The following AUTS2 variants were observed in gnomAD, a reference collection of about 807,000 sequenced individuals.
AUTS2 encodes the protein activator of transcription and developmental regulator AUTS2.
A neutral mutation model predicts 112.4 loss-of-function variants in AUTS2; 17 were observed. That is an observed-to-expected ratio of 0.15 (90% CI 0.10 to 0.23). The LOEUF (loss-of-function observed/expected upper bound fraction) is 0.23. Among genes scored for constraint, AUTS2 ranks in the 10% least tolerant of loss-of-function variants. The pLI is 1.00. For synonymous variants in AUTS2, 751 were observed against 702.7 expected, an observed-to-expected ratio of 1.07 and a Z score of -1.09; for missense variants, 1,510 against 1,701.6, an observed-to-expected ratio of 0.89 and a Z score of 1.98.
intron 4 of AUTS2, among the ~76,000 whole-genome samples, chr7:70,403,282 C>T (rs1052121723): frequency 1.3e-5 from 2 of 152,218 alleles, no homozygotes; most frequent in Admixed American, 6.5e-5. Context: ...AACTTCTTGC[C>T]ATCCCTACCC....
intron 5 of AUTS2, among the ~76,000 whole-genome samples, chr7:70,465,831 G>A (rs189567213): frequency 3.6e-4 from 55 of 152,306 alleles, no homozygotes; most frequent in Admixed American, 2.9e-3. Flanking sequence ...AGCTGTCTGT[G>A]TACCCCCATG....
chr7:69,655,800 T>C (rs573168311), intron 1 of AUTS2, among the ~76,000 whole-genome samples: 8 of 152,050 alleles, frequency 5.3e-5, no homozygotes, highest in Admixed American at 1.3e-4. Context: ...TGGGGACCTG[T>C]TTAGGAGAAG....
intron 2 of AUTS2, among the ~76,000 whole-genome samples, chr7:70,065,756 A>C (rs762325173): frequency 2.0e-5 from 3 of 152,126 alleles, no homozygotes; most frequent in Admixed American, 1.3e-4. Context: ...CCCAGTCTAG[A>C]ATGCAGTGGC....
chr7:70,777,149 T>C lies in AUTS2; in HGVS notation c.1979T>C (p.Ile660Thr), dbSNP rs1160707717. ...ATGCATGTTCACATCGCCTGGCAGA[T>C]TTACCACCACCAACAGAAAGTCAAG... ...CAMHVHIAWQ[I>T]YHHQQKVKKQ... Residue 660 changes from isoleucine (I) to threonine (T), a missense_variant, in exon 14 of 19, where the codon ATT (isoleucine) becomes ACT (threonine). Transcript: ENST00000342771. 1 of 1,614,132 alleles carries C rather than the reference T, an allele frequency of 6.2e-7. No individual in the cohort carries two copies. The highest frequency in any genetic ancestry group is 8.5e-7 in the Non-Finnish European group (1 of 1,180,018).
intron 4 of AUTS2, among the ~76,000 whole-genome samples, chr7:70,196,392 G>GA (rs1810174940): frequency 6.6e-6 from 1 of 152,152 alleles, no homozygotes; most frequent in South Asian, 2.1e-4. Flanking sequence ...AAGCTATACC[G>GA]AATAAAATAG....
chr7:70,705,479 G>A (rs1023290353), intron 6 of AUTS2, among the ~76,000 whole-genome samples: 6 of 152,084 alleles, frequency 3.9e-5, no homozygotes, highest in African/African-American at 9.7e-5. Context: ...TATTTAGCCC[G>A]GAGCTAACAT....
At chr7:70,075,354 C>G (rs1372102840) in intron 2 of AUTS2, among the ~76,000 whole-genome samples, 1 of 152,034 alleles carries the variant, frequency 6.6e-6, no homozygotes, top group Non-Finnish European at 1.5e-5. Context: ...GCAGAGTTGG[C>G]CTCTGTACCC....
intron 1 of AUTS2, among the ~76,000 whole-genome samples, chr7:69,678,356 T>G (rs1796653733): frequency 1.3e-5 from 2 of 152,186 alleles, no homozygotes; most frequent in South Asian, 4.1e-4. Flanking sequence ...TACAGCCTCT[T>G]GAATTGACTT....
intron 2 of AUTS2, among the ~76,000 whole-genome samples, chr7:70,071,389 T>C (rs771891323): frequency 6.6e-6 from 1 of 152,196 alleles, no homozygotes; most frequent in African/African-American, 2.4e-5. Flanking sequence ...TCCCCTTGAA[T>C]GTACCTTTTT....
At chr7:70,650,170 A>G (rs1042976521) in intron 5 of AUTS2, among the ~76,000 whole-genome samples, 4 of 152,088 alleles carry the variant, frequency 2.6e-5, no homozygotes, top group African/African-American at 9.7e-5. Context: ...TTCCTCACGT[A>G]CCTCTTTTTA....
chr7:70,391,637 A>G (rs1228771709), intron 4 of AUTS2, among the ~76,000 whole-genome samples: 1 of 152,200 alleles, frequency 6.6e-6, no homozygotes, highest in Non-Finnish European at 1.5e-5. Context: ...AGTCGGGGAA[A>G]CATTTGCCTG....
At chr7:69,632,087 C>G (rs1794271350) in intron 1 of AUTS2, among the ~76,000 whole-genome samples, 1 of 152,124 alleles carries the variant, frequency 6.6e-6, no homozygotes, top group African/African-American at 2.4e-5. Flanking sequence ...TGGCCATTTA[C>G]TTTGGTATAG....
At chr7:70,016,296 TA>T (rs1800024698) in intron 2 of AUTS2, among the ~76,000 whole-genome samples, 1 of 152,196 alleles carries the variant, frequency 6.6e-6, no homozygotes, top group Non-Finnish European at 1.5e-5. Flanking sequence ...AGGTTTCTAT[TA>T]TTATATATAA....
At chr7:70,270,133 A>C (rs971978634) in intron 4 of AUTS2, among the ~76,000 whole-genome samples, 1 of 152,202 alleles carries the variant, frequency 6.6e-6, no homozygotes, top group Non-Finnish European at 1.5e-5. Flanking sequence ...CCTCTATCCT[A>C]AACATTCCAT....
chr7:69,988,805 G>A (rs551765853), intron 2 of AUTS2, among the ~76,000 whole-genome samples: 39 of 152,198 alleles, frequency 2.6e-4, no homozygotes, highest in East Asian at 7.7e-4. Context: ...TTAATTTCCC[G>A]TACTCGTGGG....
At chr7:70,735,048 G>A (rs1033772206) in intron 6 of AUTS2, among the ~76,000 whole-genome samples, 2 of 152,114 alleles carry the variant, frequency 1.3e-5, no homozygotes, top group Admixed American at 6.5e-5. Flanking sequence ...GTAGGACAGC[G>A]TTCTCATTTT....
intron 1 of AUTS2, among the ~76,000 whole-genome samples, chr7:69,834,167 C>A (rs1372026128): frequency 6.6e-6 from 1 of 152,162 alleles, no homozygotes; most frequent in African/African-American, 2.4e-5. Context: ...TCTTTACAGG[C>A]TGGCTAGCGT....
chr7:70,331,754 C>T (rs529667737), intron 4 of AUTS2, among the ~76,000 whole-genome samples: 15 of 152,032 alleles, frequency 9.9e-5, no homozygotes, highest in Non-Finnish European at 2.1e-4. Flanking sequence ...AAAAGGCCTT[C>T]GATAAAATTC....
chr7:70,081,172 T>C (rs1351221763), intron 2 of AUTS2, among the ~76,000 whole-genome samples: 3 of 151,794 alleles, frequency 2.0e-5, no homozygotes, highest in African/African-American at 4.8e-5. Flanking sequence ...ATGGGAGAAA[T>C]TTGGTGTCCT....
Sources: allele counts gnomAD v4.1 joint callset (sites outside exome capture counted in the v4.1 genomes callset), GRCh38; gene constraint gnomAD v4.1.1; transcripts MANE v1.5; gene names NCBI Gene and HGNC (gene_info 2026-07-23, HGNC 2026-07-21).